GRID2: variants seen among roughly 807,000 people sequenced by gnomAD.
The protein encoded by GRID2 is glutamate ionotropic receptor delta type subunit 2.
In GRID2, 33 loss-of-function variants were observed where a neutral mutation model predicts 114.8. The observed-to-expected ratio is 0.29, with a 90% CI of 0.22 to 0.38. The LOEUF (loss-of-function observed/expected upper bound fraction) is 0.38, where lower values mean the gene tolerates loss of function less well. Ranked by LOEUF, GRID2 falls within the 10% of genes least tolerant of loss-of-function variation. GRID2 has a pLI of 1.00. For synonymous variants in GRID2, 505 were observed against 449.9 expected (o/e 1.12, Z -1.55); for missense variants, 1,184 against 1,257.7 (o/e 0.94, Z 0.89).
intron 2 of GRID2, among the ~76,000 whole-genome samples, chr4:92,853,679 C>T (rs1018497770): frequency 1.3e-5 from 2 of 151,886 alleles, no homozygotes. Context: ...GAATTTAACT[C>T]TTACCTGTCA....
At chr4:93,636,228 CA>C (rs1721397848) in intron 14 of GRID2, among the ~76,000 whole-genome samples, 1 of 152,140 alleles carries the variant, frequency 6.6e-6, no homozygotes, top group African/African-American at 2.4e-5. Flanking sequence ...GCTTTTCAAG[CA>C]GCAAGTCTGA....
intron 3 of GRID2, among the ~76,000 whole-genome samples, chr4:93,105,757 G>A (rs1476780514): frequency 1.3e-5 from 2 of 152,152 alleles, no homozygotes. Context: ...TTCTTCAGGA[G>A]TTAGACCTCC....
intron 8 of GRID2, among the ~76,000 whole-genome samples, chr4:93,258,032 C>T (rs1181677008): frequency 1.4e-5 from 2 of 146,140 alleles, no homozygotes; most frequent in Non-Finnish European, 3.0e-5. Flanking sequence ...ACACACAATA[C>T]TGGTAATACT....
intron 2 of GRID2, among the ~76,000 whole-genome samples, chr4:92,627,211 G>C: frequency 6.6e-6 from 1 of 152,062 alleles, no homozygotes; most frequent in South Asian, 2.1e-4. Flanking sequence ...GCAACAAACA[G>C]TATTTTAGGA....
chr4:93,735,340 C>A (rs2110236541), intron 14 of GRID2, among the ~76,000 whole-genome samples: 1 of 151,886 alleles, frequency 6.6e-6, no homozygotes, highest in African/African-American at 2.4e-5. Context: ...TTGTCATTAC[C>A]CCTACCTTCT....
At chr4:93,779,185 A>G (rs963026), downstream of GRID2, among the ~76,000 whole-genome samples, 57,898 of 151,100 alleles carry the variant, frequency 0.38, 11,911 homozygotes, top group East Asian at 0.76. Context: ...CTACTTCATA[A>G]TAATCATTTT....
chr4:92,587,196 G>A (rs1418017413), intron 1 of GRID2, among the ~76,000 whole-genome samples: 3 of 150,396 alleles, frequency 2.0e-5, no homozygotes, highest in Non-Finnish European at 4.4e-5. Context: ...TTCCCATGAA[G>A]GTTATAAAAT....
At chr4:92,589,856 T>C (rs1026207120) in intron 1 of GRID2, among the ~76,000 whole-genome samples, 1 of 152,192 alleles carries the variant, frequency 6.6e-6, no homozygotes, top group East Asian at 1.9e-4. Context: ...TACTTTGTCA[T>C]GTAGAAGCTT....
chr4:93,710,634 A>G (rs577381608), intron 14 of GRID2, among the ~76,000 whole-genome samples: 1 of 152,304 alleles, frequency 6.6e-6, no homozygotes. Flanking sequence ...ACAGGTGGTA[A>G]GTACAGCCAG....
chr4:93,257,343 G>T (rs1284471669), intron 8 of GRID2, among the ~76,000 whole-genome samples: 3 of 151,762 alleles, frequency 2.0e-5, no homozygotes, highest in Non-Finnish European at 3.0e-5. Context: ...ACATTGTAAA[G>T]AGTGATGCAT....
intron 1 of GRID2, among the ~76,000 whole-genome samples, chr4:92,451,666 G>A (rs1022973562): frequency 6.6e-6 from 1 of 152,192 alleles, no homozygotes; most frequent in Non-Finnish European, 1.5e-5. Context: ...TGATATGCAT[G>A]AGTGCTTCAT....
At chr4:93,174,958 T>G (rs1228087061) in intron 4 of GRID2, among the ~76,000 whole-genome samples, 1 of 152,150 alleles carries the variant, frequency 6.6e-6, no homozygotes, top group East Asian at 1.9e-4. Flanking sequence ...TGTGACATAC[T>G]TTCTTATTTG....
At chr4:92,929,390 T>G (rs549322043) in intron 2 of GRID2, among the ~76,000 whole-genome samples, 24 of 151,378 alleles carry the variant, frequency 1.6e-4, no homozygotes, top group Admixed American at 1.1e-3. Context: ...ATTAAAAAAA[T>G]TATTTCTTCT....
intron 1 of GRID2, among the ~76,000 whole-genome samples, chr4:92,386,492 G>A (rs896840944): frequency 2.6e-5 from 4 of 151,688 alleles, no homozygotes; most frequent in Non-Finnish European, 4.4e-5. Context: ...GAAATAAATA[G>A]TAATTAATTT....
At chr4:93,571,048 ATAT>A (rs1180081782) in intron 13 of GRID2, among the ~76,000 whole-genome samples, 1 of 152,134 alleles carries the variant, frequency 6.6e-6, no homozygotes, top group Non-Finnish European at 1.5e-5. Flanking sequence ...GTGAGAGAGA[ATAT>A]TATTTTGTCT....
At chr4:92,578,364 A>C (rs1041043871) in intron 1 of GRID2, among the ~76,000 whole-genome samples, 1 of 140,120 alleles carries the variant, frequency 7.1e-6, no homozygotes, top group Admixed American at 7.8e-5. Context: ...TGAGAACATG[A>C]AGTGTTTGGT....
chr4:92,865,717 G>T (rs1744810819), intron 2 of GRID2, among the ~76,000 whole-genome samples: 1 of 152,116 alleles, frequency 6.6e-6, no homozygotes, highest in African/African-American at 2.4e-5. Context: ...CAAATAAGTT[G>T]AATGACTGAA....
chr4:93,665,142 A>G (rs1723838623), intron 14 of GRID2, among the ~76,000 whole-genome samples: 1 of 152,070 alleles, frequency 6.6e-6, no homozygotes, highest in African/African-American at 2.4e-5. Context: ...TGGGTTTACT[A>G]TGGTCAGTAT....
intron 9 of GRID2, among the ~76,000 whole-genome samples, chr4:93,407,671 T>C (rs895694159): frequency 3.6e-5 from 5 of 140,164 alleles, no homozygotes; most frequent in Non-Finnish European, 7.5e-5. Flanking sequence ...TTACAATTTT[T>C]CAGAATTTTT....
Sources: allele counts gnomAD v4.1 joint callset (sites outside exome capture counted in the v4.1 genomes callset), GRCh38; gene constraint gnomAD v4.1.1; transcripts MANE v1.5; gene names NCBI Gene and HGNC (gene_info 2026-07-23, HGNC 2026-07-21).